Variants in FHL2 observed in about 807,000 individuals in gnomAD.
The protein encoded by FHL2 is four and a half LIM domains 2, also known as four and a half LIM domains protein 2.
In FHL2, 20 loss-of-function variants were observed where a neutral mutation model predicts 32.7. The observed-to-expected ratio is 0.61, with a 90% CI of 0.43 to 0.89. The LOEUF is 0.89. Ranked by LOEUF, FHL2 falls within the 40% of genes least tolerant of loss-of-function variation. FHL2 has a pLI of 0.00. For synonymous variants in FHL2, 123 were observed against 128.1 expected, an observed-to-expected ratio of 0.96 and a Z score of 0.27; for missense variants, 311 against 358.6, an observed-to-expected ratio of 0.87 and a Z score of 1.07.
chr2:105,407,131 G>T (rs1440671515), intron 1 of FHL2, among the ~76,000 whole-genome samples: 1 of 152,118 alleles, frequency 6.6e-6, no homozygotes, highest in African/African-American at 2.4e-5. Flanking sequence ...GGTGGCTCAC[G>T]CCTATAATCC....
chr2:105,435,781 C>A (rs780519006), intron 1 of FHL2, among the ~76,000 whole-genome samples: 1 of 152,194 alleles, frequency 6.6e-6, no homozygotes, highest in Non-Finnish European at 1.5e-5. Flanking sequence ...GAGATTGTGC[C>A]ACTGCACTCC....
At chr2:105,368,239 A>G (rs866047700) in intron 4 of FHL2, among the ~76,000 whole-genome samples, 1 of 152,234 alleles carries the variant, frequency 6.6e-6, no homozygotes, top group Non-Finnish European at 1.5e-5. Context: ...AGCCTCTACA[A>G]CACTCACTTT....
chr2:105,361,180 T>C lies in FHL2; in HGVS notation c.*103A>G, dbSNP rs1680226746. The C allele has an allele frequency of 3.3e-6, 4 of 1,195,836 alleles. No individual in the cohort carries two copies. Among genetic ancestry groups the C allele is most frequent in the Non-Finnish European group, 4.8e-6 (4 of 836,948 alleles). The allele number at this position is 1,195,836 out of a possible 1,614,324, so 74.1% of individuals were successfully genotyped here. On this transcript the variant is annotated 3_prime_UTR_variant, in exon 7 of 7. Transcript: ENST00000530340. ...CACTGAAAAGCACTAGAAGAAAGTC[T>C]CAATGTGGCTGGAAGAAACCAGAAG... is the stretch of plus-strand genomic sequence containing the variant.
chr2:105,386,717 T>A (rs757768527), intron 2 of FHL2, among the ~76,000 whole-genome samples, 177 bp from the exon 3 acceptor site: 42 of 152,164 alleles, frequency 2.8e-4, no homozygotes, highest in Middle Eastern at 3.4e-3. Context: ...AACACCTTTT[T>A]TCATTAGCTA....
chr2:105,405,543 C>T (rs569716826), intron 1 of FHL2, among the ~76,000 whole-genome samples: 6 of 152,322 alleles, frequency 3.9e-5, no homozygotes, highest in African/African-American at 1.2e-4. Flanking sequence ...TCCCAAAGTG[C>T]TAGGATTACA....
At position 105,386,592 on chromosome 2, in the gene FHL2, G is replaced by A; in HGVS notation, c.-24-52C>T. The stretch of plus-strand genomic sequence containing the variant: ...TCCCATTAAGCACTCTCTGAAAGGG[G>A]TGCACGCAAAGGCATTAACTGTCCC... On this transcript the variant is annotated intron_variant, in intron 2 of 6. Coordinates refer to ENST00000530340, the MANE Select transcript of FHL2 (RefSeq NM_001318895.3). 3.9e-6 allele frequency: 6 copies of A among 1,542,772 alleles called. No individual in the cohort carries two copies. In the African/African-American group the frequency reaches 4.1e-5, roughly 10 times the overall value.
intron 2 of FHL2, among the ~76,000 whole-genome samples, chr2:105,388,691 G>C (rs564721125): frequency 1.3e-5 from 2 of 151,592 alleles, no homozygotes. Flanking sequence ...AAAATTAGCC[G>C]GGCTTACTGG....
chr2:105,379,227 T>A (rs1157543813), intron 3 of FHL2, among the ~76,000 whole-genome samples: 1 of 152,242 alleles, frequency 6.6e-6, no homozygotes, highest in Non-Finnish European at 1.5e-5. Flanking sequence ...CACTACTGGC[T>A]GTAACAAGCA....
intron 2 of FHL2, among the ~76,000 whole-genome samples, chr2:105,390,977 GTA>G (rs1241005747): frequency 1.3e-5 from 2 of 150,102 alleles, no homozygotes; most frequent in South Asian, 2.1e-4. Context: ...GTGTGTGTGT[GTA>G]TGTGTGTGTG....
chr2:105,390,884 C>A (rs1002903301), intron 2 of FHL2, among the ~76,000 whole-genome samples: 5 of 151,834 alleles, frequency 3.3e-5, no homozygotes, highest in Non-Finnish European at 7.4e-5. Flanking sequence ...GCAGCCTCCA[C>A]CTCCCGGGTT....
At chr2:105,430,659 A>T (rs1012343794) in intron 1 of FHL2, among the ~76,000 whole-genome samples, 4 of 152,052 alleles carry the variant, frequency 2.6e-5, no homozygotes, top group Non-Finnish European at 4.4e-5. Context: ...CAAGAGCGAA[A>T]CTCCATCTAA....
At chr2:105,415,761 C>T (rs934666570) in intron 1 of FHL2, among the ~76,000 whole-genome samples, 3 of 152,116 alleles carry the variant, frequency 2.0e-5, no homozygotes, top group African/African-American at 4.8e-5. Flanking sequence ...TTAAAAGCAC[C>T]GGGATTCCTG....
chr2:105,405,057 T>A (rs1274200686), intron 1 of FHL2, among the ~76,000 whole-genome samples: 1 of 152,146 alleles, frequency 6.6e-6, no homozygotes, highest in Non-Finnish European at 1.5e-5. Flanking sequence ...TTCACACCCA[T>A]AGTTCATTTG....
chr2:105,432,175 C>G (rs1017756487), intron 1 of FHL2, among the ~76,000 whole-genome samples: 2 of 152,174 alleles, frequency 1.3e-5, no homozygotes, highest in Non-Finnish European at 2.9e-5. Context: ...CTTATTTCTC[C>G]CCTCACTTGG....
intron 4 of FHL2, among the ~76,000 whole-genome samples, chr2:105,369,164 C>T (rs1376896868): frequency 6.6e-6 from 1 of 152,142 alleles, no homozygotes; most frequent in African/African-American, 2.4e-5. Flanking sequence ...GGGTCACATA[C>T]ATGTGACTTC....
chr2:105,369,908 G>A (rs1405305812), intron 4 of FHL2, among the ~76,000 whole-genome samples: 1 of 152,170 alleles, frequency 6.6e-6, no homozygotes, highest in Non-Finnish European at 1.5e-5. Flanking sequence ...GGGACATGGC[G>A]CGTGCACCTC....
chr2:105,404,125 C>T (rs1429541552), upstream of FHL2, among the ~76,000 whole-genome samples: 3 of 152,204 alleles, frequency 2.0e-5, no homozygotes, highest in Non-Finnish European at 4.4e-5. Flanking sequence ...AAAGTGAACA[C>T]AGGAAAACAT....
Position 105,373,592 on chromosome 2 carries a change from T to C in FHL2, c.298A>G (p.Lys100Glu), listed in dbSNP as rs1236545687. 2.5e-6 allele frequency: 4 copies of C among 1,614,094 alleles called. No homozygotes were observed. Among genetic ancestry groups the C allele is most frequent in the Non-Finnish European group, 2.5e-6 (3 of 1,180,040 alleles). Residue 100 changes from lysine to glutamate, a missense_variant, in exon 4 of 7, where the codon AAG becomes GAG. Physicochemically the swap from Lys to Glu is moderately conservative, Grantham distance 56. Transcript: ENST00000530340. ...TDCYSNEYSS[K>E]CQECKKTIMP... ...ATGGTCTTCTTGCATTCCTGGCACT[T>C]GGATGAGTACTCGTTGGAATAGCAG...
chr2:105,385,223 C>A (rs141882307), intron 3 of FHL2, among the ~76,000 whole-genome samples: 1 of 152,134 alleles, frequency 6.6e-6, no homozygotes, highest in East Asian at 1.9e-4. Context: ...AGGTCTCTTT[C>A]GCTACAAGAT....
Sources: gnomAD v4.1 joint callset for allele counts (sites outside exome capture counted in the v4.1 genomes callset) on GRCh38, gnomAD v4.1.1 for gene constraint, MANE v1.5 for transcripts, NCBI Gene and HGNC (gene_info 2026-07-23, HGNC 2026-07-21) for gene names.